Variants in CDKL5 observed in about 807,000 individuals in gnomAD.
The protein encoded by CDKL5 is cyclin dependent kinase like 5, also known as cyclin-dependent kinase-like 5.
CDKL5 carries 8 observed loss-of-function variants against 61.7 expected under a neutral mutation model. The observed-to-expected ratio is 0.13, with a 90% CI of 0.08 to 0.23. The LOEUF (loss-of-function observed/expected upper bound fraction) is 0.23, where lower values mean the gene tolerates loss of function less well. Ranked by LOEUF, CDKL5 falls within the 10% of genes least tolerant of loss-of-function variation. The pLI, the probability that CDKL5 is intolerant of heterozygous loss-of-function variation, is 1.00. For synonymous variants in CDKL5, 275 were observed against 272.3 expected, an observed-to-expected ratio of 1.01 and a Z score of -0.10; for missense variants, 440 against 734.5, an observed-to-expected ratio of 0.60 and a Z score of 4.63.
At chrX:18,559,879 C>T (rs1382200131) in intron 3 of CDKL5, among the ~76,000 whole-genome samples, 2 of 101,333 alleles carry the variant, frequency 2.0e-5, no homozygotes, top group Non-Finnish European at 3.9e-5. Flanking sequence ...TGAGAACATG[C>T]GGTGTTTGGT....
intron 3 of CDKL5, among the ~76,000 whole-genome samples, chrX:18,549,275 G>A (rs181858663): frequency 1.0e-3 from 114 of 111,614 alleles, no homozygotes; most frequent in African/African-American, 3.5e-3. Flanking sequence ...TACTGACTTC[G>A]ATGGTCTCTA....
intron 3 of CDKL5, among the ~76,000 whole-genome samples, chrX:18,521,936 A>T (rs1923257699): frequency 8.9e-6 from 1 of 112,298 alleles, no homozygotes; most frequent in Admixed American, 9.4e-5. Context: ...TGGTTCGATT[A>T]CTATAAATTT....
In CDKL5 at chrX:18,436,838, GC is replaced by G. The variant is rs1250890137; in HGVS notation, c.-163+11144del. ...TGCTTGAGCCCAGGAGCTGGAGGCT[GC>G]AGTGAGCCGTGATTATGCCACTGCA... is the stretch of plus-strand genomic sequence containing the variant. On this transcript the variant is annotated intron_variant, in intron 1 of 17. Transcript: ENST00000623535. 3.0e-5 allele frequency among the ~76,000 whole-genome samples: 3 copies of G among 101,276 alleles called. No individual in the cohort carries two copies. The Admixed American group carries it at 3.3e-4, about 11-fold the overall frequency. 87.9% of individuals were successfully genotyped at this position (101,276 alleles called of 115,157 possible).
chrX:18,456,430 C>T (rs1326209666), intron 1 of CDKL5, among the ~76,000 whole-genome samples: 1 of 112,267 alleles, frequency 8.9e-6, no homozygotes, highest in African/African-American at 3.2e-5. Flanking sequence ...TATTTATAAA[C>T]TCAGTTCAGA....
At chrX:18,564,360 AT>A in intron 3 of CDKL5, 116 bp from the exon 4 acceptor site, 1 of 400,346 alleles carries the variant, frequency 2.5e-6, no homozygotes, top group South Asian at 4.4e-5. Context: ...AAGATGATAT[AT>A]TTTTAACACT....
intron 3 of CDKL5, among the ~76,000 whole-genome samples, chrX:18,514,725 G>A (rs1922951484): frequency 9.3e-6 from 1 of 107,169 alleles, no homozygotes; most frequent in Admixed American, 1.0e-4. Flanking sequence ...AAAAAAAAAA[G>A]ATATTCTGGT....
downstream of CDKL5, chrX:18,641,440 C>T (rs1186485951): frequency 8.5e-6 from 1 of 118,068 alleles, no homozygotes; most frequent in Non-Finnish European, 1.8e-5. Context: ...CACGTATAGC[C>T]TCTCAGGGCA....
intron 15 of CDKL5, among the ~76,000 whole-genome samples, chrX:18,615,257 C>T (rs1351338098): frequency 2.7e-5 from 3 of 112,031 alleles, no homozygotes; most frequent in African/African-American, 6.5e-5. Context: ...TCGCATCTCA[C>T]TTAGTCTGTC....
chrX:18,575,514 C>T, intron 5 of CDKL5, 24 bp downstream of exon 5: 1 of 1,182,123 alleles, frequency 8.5e-7, no homozygotes, highest in Non-Finnish European at 1.2e-6. Flanking sequence ...TGCCAATGTG[C>T]ACATTTGCCC....
chrX:18,586,979 T>G (rs1925661776), intron 8 of CDKL5, among the ~76,000 whole-genome samples: 1 of 112,151 alleles, frequency 8.9e-6, no homozygotes, highest in African/African-American at 3.2e-5. Flanking sequence ...ATTGCAATGA[T>G]TTGTTATCCT....
At chrX:18,583,123 A>T (rs1336569463) in intron 7 of CDKL5, among the ~76,000 whole-genome samples, 1 of 112,005 alleles carries the variant, frequency 8.9e-6, no homozygotes, top group Non-Finnish European at 1.9e-5. Flanking sequence ...TGTGATTACT[A>T]CCCAAAACAG....
chrX:18,540,345 T>G (rs768877540), intron 3 of CDKL5, among the ~76,000 whole-genome samples: 2 of 110,372 alleles, frequency 1.8e-5, no homozygotes, highest in Non-Finnish European at 3.8e-5. Flanking sequence ...CCTGACTAAT[T>G]TTTGTGTTTT....
At chrX:18,555,768 A>T (rs1377979565) in intron 3 of CDKL5, among the ~76,000 whole-genome samples, 1 of 111,918 alleles carries the variant, frequency 8.9e-6, no homozygotes, top group East Asian at 2.8e-4. Context: ...TCATTTACTC[A>T]CTCATGTCAA....
chrX:18,651,827 G>A (rs1928061531), intron 21 of CDKL5, among the ~76,000 whole-genome samples: 1 of 111,411 alleles, frequency 9.0e-6, no homozygotes, highest in Non-Finnish European at 1.9e-5. Context: ...TTCTCTTATT[G>A]TGATTTTTCC....
intron 3 of CDKL5, among the ~76,000 whole-genome samples, chrX:18,551,960 G>A (rs1311438072): frequency 4.6e-5 from 5 of 109,417 alleles, no homozygotes; most frequent in South Asian, 4.1e-4. Context: ...TAAAAAAACC[G>A]AAATGTGGCC....
At chrX:18,477,993 C>A (rs981955285) in intron 1 of CDKL5, among the ~76,000 whole-genome samples, 3 of 111,397 alleles carry the variant, frequency 2.7e-5, no homozygotes, top group Non-Finnish European at 5.6e-5. Context: ...CTCCTTTGTG[C>A]TTTAGTGGCC....
At chrX:18,514,263 CT>C (rs1002019964) in intron 3 of CDKL5, among the ~76,000 whole-genome samples, 28 of 109,504 alleles carry the variant, frequency 2.6e-4, no homozygotes, top group African/African-American at 5.6e-4. Flanking sequence ...ATAGCTTTTA[CT>C]TTTTTTTTGA....
chrX:18,597,231 T>C (rs976469967), intron 10 of CDKL5, among the ~76,000 whole-genome samples: 1 of 111,107 alleles, frequency 9.0e-6, no homozygotes, highest in African/African-American at 3.3e-5. Flanking sequence ...TTAGCTTTTT[T>C]TGAAAATGAA....
intron 3 of CDKL5, among the ~76,000 whole-genome samples, chrX:18,547,917 C>T (rs189740909): frequency 1.8e-5 from 2 of 111,815 alleles, no homozygotes; most frequent in Non-Finnish European, 1.9e-5. Context: ...GGTGCCTCTT[C>T]GGCCAGTTGT....
Sources: gnomAD v4.1 joint callset for allele counts (sites outside exome capture counted in the v4.1 genomes callset) on GRCh38, gnomAD v4.1.1 for gene constraint, MANE v1.5 for transcripts, NCBI Gene and HGNC (gene_info 2026-07-23, HGNC 2026-07-21) for gene names.